The following MKLN1 variants were observed in gnomAD, a reference collection of about 807,000 sequenced individuals.
The protein encoded by MKLN1 is muskelin 1, also known as muskelin.
In MKLN1, 18 loss-of-function variants were observed where a neutral mutation model predicts 99.0. The observed-to-expected ratio is 0.18, with a 90% CI of 0.13 to 0.27. MKLN1 has a LOEUF of 0.27. MKLN1 is among the 10% of genes least tolerant of loss of function. The probability of loss-of-function intolerance (pLI) is 1.00; values close to 1 mark genes in which losing one functional copy is unlikely to be tolerated. For synonymous variants in MKLN1, 288 were observed against 293.2 expected, an observed-to-expected ratio of 0.98 and a Z score of 0.18; for missense variants, 621 against 875.9, an observed-to-expected ratio of 0.71 and a Z score of 3.67.
At chr7:131,115,496 A>G (rs1032196661) in intron 1 of MKLN1, among the ~76,000 whole-genome samples, 1 of 152,224 alleles carries the variant, frequency 6.6e-6, no homozygotes, top group Admixed American at 6.5e-5. Flanking sequence ...CATTCACCAC[A>G]GCACAGCTAG....
intron 1 of MKLN1, among the ~76,000 whole-genome samples, chr7:131,340,194 C>G (rs565356659): frequency 6.6e-6 from 1 of 151,512 alleles, no homozygotes; most frequent in African/African-American, 2.4e-5. Flanking sequence ...CCCCTTTGTT[C>G]TGGCACCCAT....
chr7:131,150,139 G>T (rs1795868567), intron 2 of MKLN1, among the ~76,000 whole-genome samples: 1 of 151,952 alleles, frequency 6.6e-6, no homozygotes, highest in East Asian at 1.9e-4. Context: ...ATCCTTTCTA[G>T]TACAAGGCTC....
intron 8 of MKLN1, among the ~76,000 whole-genome samples, chr7:131,424,129 A>C (rs552007036): frequency 3.3e-5 from 5 of 152,318 alleles, no homozygotes; most frequent in African/African-American, 1.2e-4. Context: ...AGTCTTACTG[A>C]ACTTCACTTT....
rs1250131784 is a variant in MKLN1 at position 131,206,494 on chromosome 7, A to G, written c.-179+3520A>G. ...CTTCCCTTTTTTGTGTTTTTTAAAC[A>G]TATATGTTTATTTGTTAATATACCT... On this transcript the variant is annotated intron_variant, in intron 3 of 7. Transcript: ENST00000416992. Among the ~76,000 whole-genome samples, 3 of 151,228 alleles carry G rather than the reference A, an allele frequency of 2.0e-5. No homozygotes were observed. In the East Asian group the frequency reaches 5.8e-4, roughly 29 times the overall value.
intron 16 of MKLN1, among the ~76,000 whole-genome samples, chr7:131,475,606 G>GT (rs1374775024): frequency 1.3e-5 from 2 of 152,148 alleles, no homozygotes; most frequent in African/African-American, 4.8e-5. Context: ...GAGCCCATGA[G>GT]TTTGAGACCA....
At chr7:131,258,726 C>G (rs1485251398) in intron 3 of MKLN1, among the ~76,000 whole-genome samples, 2 of 152,124 alleles carry the variant, frequency 1.3e-5, no homozygotes. Context: ...ATATTTTCCC[C>G]TTCTTTCCTT....
At chr7:131,124,643 A>G (rs923737385) in intron 1 of MKLN1, among the ~76,000 whole-genome samples, 2 of 152,052 alleles carry the variant, frequency 1.3e-5, no homozygotes, top group East Asian at 3.9e-4. Flanking sequence ...CCTCTGCCCA[A>G]TATGGGTTTC....
At chr7:131,273,914 T>C (rs1338241493) in intron 3 of MKLN1, among the ~76,000 whole-genome samples, 2 of 152,178 alleles carry the variant, frequency 1.3e-5, no homozygotes, top group Non-Finnish European at 2.9e-5. Context: ...CCTGACACTT[T>C]AATATCACTA....
Position 131,119,304 on chromosome 7 carries a change from C to T in MKLN1, c.-419+9097C>T, listed in dbSNP as rs114526488. ...CTCCATGTCTCACATCCAGGCCACA[C>T]CGATGCAAGCGGTGGGCTCCCAAGG... is the stretch of plus-strand genomic sequence containing the variant. On this transcript the variant is annotated intron_variant, in intron 1 of 7. Coordinates refer to the MKLN1 transcript ENST00000416992. 2.4e-3 allele frequency among the ~76,000 whole-genome samples: 359 copies of T among 152,354 alleles called. 3 individuals carry two copies. The highest frequency in any genetic ancestry group is 8.2e-3 in the African/African-American group (342 of 41,582).
At chr7:131,312,235 C>T (rs2116641216) in intron 3 of MKLN1, among the ~76,000 whole-genome samples, 1 of 152,262 alleles carries the variant, frequency 6.6e-6, no homozygotes, top group Admixed American at 6.5e-5. Context: ...GTTGGCCAGG[C>T]TGGTCTCAAA....
At chr7:131,189,599 G>A (rs1041521306) in intron 2 of MKLN1, among the ~76,000 whole-genome samples, 11 of 151,692 alleles carry the variant, frequency 7.3e-5, no homozygotes, top group African/African-American at 2.7e-4. Context: ...GTATGAGAAT[G>A]TTCTTTCAGG....
Position 131,314,090 on chromosome 7 carries a change from A to C in MKLN1, c.-178-61334A>C, listed in dbSNP as rs144254513. On this transcript the variant is annotated intron_variant, in intron 3 of 7. Coordinates refer to the MKLN1 transcript ENST00000416992. ...GTAATAATAATAACCATTCACTGTA[A>C]ACAACTGCTGTCAGCCACCTCCAGT... Among the ~76,000 whole-genome samples, 839 of 152,340 alleles carry C rather than the reference A, an allele frequency of 5.5e-3. 1 individual carries two copies. Among genetic ancestry groups the C allele is most frequent in the Non-Finnish European group, 9.7e-3 (661 of 68,018 alleles).
intron 8 of MKLN1, among the ~76,000 whole-genome samples, chr7:131,424,993 C>T (rs1414380701): frequency 1.3e-5 from 2 of 152,190 alleles, no homozygotes; most frequent in Non-Finnish European, 2.9e-5. Flanking sequence ...CACCTCCTAC[C>T]TATGTGTTCT....
At chr7:131,156,560 C>T (rs1421553457) in intron 2 of MKLN1, among the ~76,000 whole-genome samples, 2 of 151,760 alleles carry the variant, frequency 1.3e-5, no homozygotes, top group South Asian at 2.1e-4. Flanking sequence ...ACTACTCTCT[C>T]GTGAAGCTGG....
chr7:131,365,560 G>A (rs1157318410), intron 1 of MKLN1, among the ~76,000 whole-genome samples: 1 of 152,082 alleles, frequency 6.6e-6, no homozygotes, highest in Non-Finnish European at 1.5e-5. Flanking sequence ...ATCTTCCAGC[G>A]TTTTTATAGC....
intron 9 of MKLN1, 104 bp downstream of exon 9, chr7:131,429,249 T>A: frequency 1.5e-6 from 1 of 687,544 alleles, no homozygotes; most frequent in Non-Finnish European, 2.3e-6. Flanking sequence ...TCAGCAGTAG[T>A]AGCAATAGAA....
rs1797387166 is a variant in MKLN1, at chr7:131,240,499, G to A, written c.-179+37525G>A. ...CTCCTCAAAATGAAGAGAGATAAAT[G>A]AAAAATACTATCTAATATAGATAAA... On this transcript the variant is annotated intron_variant, in intron 3 of 7. Coordinates refer to the MKLN1 transcript ENST00000416992. 2.0e-5 allele frequency among the ~76,000 whole-genome samples: 3 copies of A among 152,078 alleles called. No individual in the cohort carries two copies. The South Asian group carries it at 6.2e-4, about 32-fold the overall frequency.
At chr7:131,303,765 A>G (rs1463825675) in intron 3 of MKLN1, among the ~76,000 whole-genome samples, 1 of 152,200 alleles carries the variant, frequency 6.6e-6, no homozygotes, top group Non-Finnish European at 1.5e-5. Flanking sequence ...GAGATAATGC[A>G]TGTAACTTCC....
chr7:131,209,428 T>G (rs560254890), intron 3 of MKLN1, among the ~76,000 whole-genome samples: 12 of 152,220 alleles, frequency 7.9e-5, no homozygotes, highest in African/African-American at 2.6e-4. Context: ...TGAGGAGCGC[T>G]GGGTGTATGG....
Sources: allele counts gnomAD v4.1 joint callset (sites outside exome capture counted in the v4.1 genomes callset), GRCh38; gene constraint gnomAD v4.1.1; transcripts MANE v1.5; gene names NCBI Gene and HGNC (gene_info 2026-07-23, HGNC 2026-07-21).